Variants in MPPED1 observed in about 807,000 individuals in gnomAD.
MPPED1 encodes the protein metallophosphoesterase domain containing 1, also known as metallophosphoesterase domain-containing protein 1.
MPPED1 carries 16 observed loss-of-function variants against 36.2 expected under a neutral mutation model. The ratio of observed to expected loss-of-function variants is 0.44; its 90% CI spans 0.30 to 0.67. The LOEUF is 0.67. Ranked by LOEUF, MPPED1 falls within the 30% of genes least tolerant of loss-of-function variation. The pLI, the probability that MPPED1 is intolerant of heterozygous loss-of-function variation, is 0.10. For missense variants in MPPED1, 307 were observed against 453.4 expected (o/e 0.68, Z 2.93); for synonymous variants, 199 against 191.3 (o/e 1.04, Z -0.33).
At chr22:43,456,717 A>G (rs544462055) in intron 3 of MPPED1, among the ~76,000 whole-genome samples, 15 of 152,236 alleles carry the variant, frequency 9.9e-5, no homozygotes, top group African/African-American at 3.6e-4. Flanking sequence ...ACTGGTCTTG[A>G]ACTCCTGGCC....
chr22:43,466,917 C>T (rs988381757), intron 3 of MPPED1, among the ~76,000 whole-genome samples: 1 of 152,224 alleles, frequency 6.6e-6, no homozygotes. Context: ...CATGGTGGAG[C>T]GTGGCTTGCG....
At chr22:43,489,472 G>C (rs1932016663) in intron 4 of MPPED1, among the ~76,000 whole-genome samples, 1 of 151,886 alleles carries the variant, frequency 6.6e-6, no homozygotes, top group Non-Finnish European at 1.5e-5. Context: ...GTCCTGGGAA[G>C]TGTCTCTTCT....
chr22:43,424,885 A>T, intron 1 of MPPED1, 23 bp from the exon 2 acceptor site: 1 of 1,499,394 alleles, frequency 6.7e-7, no homozygotes, highest in Non-Finnish European at 8.9e-7. Flanking sequence ...TAACTGTCGC[A>T]CGGTTCTGCT....
intron 4 of MPPED1, among the ~76,000 whole-genome samples, chr22:43,481,830 G>C (rs1020630784): frequency 9.2e-5 from 14 of 152,184 alleles, no homozygotes; most frequent in Non-Finnish European, 4.4e-5. Flanking sequence ...GCCCTCCCCA[G>C]CAAGGGTTCC....
In MPPED1 at chr22:43,484,771, G is replaced by T. The variant is rs542703098; in HGVS notation, c.632+9810G>T. Among the ~76,000 whole-genome samples, 4 of 152,156 alleles carry T rather than the reference G, an allele frequency of 2.6e-5. No homozygotes were observed. The East Asian group carries it at 7.7e-4, about 29-fold the overall frequency. ...TCTAGGGCAGGTGTGAGCCCCGCCT[G>T]AGCCTCTCAGGGAAACGGCTGCTTG... On this transcript the variant is annotated intron_variant, in intron 4 of 6. Transcript: ENST00000443721.
At chr22:43,439,085 A>G (rs749259886) in intron 3 of MPPED1, among the ~76,000 whole-genome samples, 11 of 152,274 alleles carry the variant, frequency 7.2e-5, no homozygotes, top group Admixed American at 3.9e-4. Flanking sequence ...CAAGACATCT[A>G]ACGGGGCTCT....
At chr22:43,491,907 G>A (rs1413470466) in intron 4 of MPPED1, among the ~76,000 whole-genome samples, 2 of 150,906 alleles carry the variant, frequency 1.3e-5, no homozygotes, top group African/African-American at 2.4e-5. Flanking sequence ...GGTGTTGGAG[G>A]TGGTGGTAAT....
intron 5 of MPPED1, among the ~76,000 whole-genome samples, chr22:43,499,128 AGGT>A (rs1393822176): frequency 2.3e-5 from 3 of 129,842 alleles, no homozygotes; most frequent in Admixed American, 1.5e-4. Context: ...GAGGTGATGA[AGGT>A]GGTGGTGATG....
chr22:43,463,289 C>G (rs1055391254), intron 3 of MPPED1, among the ~76,000 whole-genome samples: 6 of 151,102 alleles, frequency 4.0e-5, no homozygotes, highest in Admixed American at 4.0e-4. Context: ...GATTTCTCTT[C>G]CTGCAACTTG....
chr22:43,462,593 GT>G (rs1274643073), intron 3 of MPPED1, among the ~76,000 whole-genome samples: 6 of 152,190 alleles, frequency 3.9e-5, no homozygotes, highest in African/African-American at 1.4e-4. Flanking sequence ...TTTAAAAGTA[GT>G]TAATTATTTT....
chr22:43,493,584 T>A (rs900030679), intron 4 of MPPED1, among the ~76,000 whole-genome samples: 1 of 152,210 alleles, frequency 6.6e-6, no homozygotes, highest in Non-Finnish European at 1.5e-5. Context: ...CTGTGCCATC[T>A]CACTGCTGGG....
At chr22:43,413,370 T>A (rs1433969540) in intron 1 of MPPED1, among the ~76,000 whole-genome samples, 1 of 127,414 alleles carries the variant, frequency 7.8e-6, no homozygotes, top group Non-Finnish European at 1.6e-5. Context: ...ATAATCTGAC[T>A]GGACTTTGCA....
intron 2 of MPPED1, among the ~76,000 whole-genome samples, chr22:43,427,957 C>T (rs994628103): frequency 2.6e-5 from 4 of 152,136 alleles, no homozygotes; most frequent in African/African-American, 9.7e-5. Flanking sequence ...ACGCTGCGCA[C>T]AGTAATGCTG....
chr22:43,489,127 G>A (rs1932006340), intron 4 of MPPED1, among the ~76,000 whole-genome samples: 1 of 152,192 alleles, frequency 6.6e-6, no homozygotes, highest in Admixed American at 6.5e-5. Flanking sequence ...GGTCACGGTG[G>A]TTGATCCCAC....
At chr22:43,418,143 C>T (rs763727967) in intron 1 of MPPED1, 26 of 456,148 alleles carry the variant, frequency 5.7e-5, no homozygotes, top group African/African-American at 3.8e-4. Flanking sequence ...GCTGCCTTAC[C>T]GGCCTGGCAC....
intron 4 of MPPED1, among the ~76,000 whole-genome samples, chr22:43,495,508 G>A (rs1489850908): frequency 3.0e-5 from 3 of 100,362 alleles, no homozygotes. Context: ...TGGTGGAGGT[G>A]GTGGTGGTGG....
At position 43,505,807 on chromosome 22, in the gene MPPED1, C is replaced by T. The variant is rs182476297; in HGVS notation, c.*191C>T. 1.7e-6 allele frequency: 1 copy of T among 574,884 alleles called. No individual in the cohort carries two copies. Among genetic ancestry groups the T allele is most frequent in the Middle Eastern group, 4.2e-4 (1 of 2,380 alleles). 35.6% of individuals were successfully genotyped at this position (574,884 alleles called of 1,614,324 possible). On this transcript the variant is annotated 3_prime_UTR_variant, in exon 7 of 7. Transcript: ENST00000443721. ...GAGTTGGGACCCTGCGCATCCCCAT[C>T]AGGGGTTCTGTGCTCATTTACTTTT...
At chr22:43,492,581 C>T (rs1376553735) in intron 4 of MPPED1, among the ~76,000 whole-genome samples, 3 of 152,150 alleles carry the variant, frequency 2.0e-5, no homozygotes, top group Non-Finnish European at 4.4e-5. Context: ...CTGTGCCCTG[C>T]CCCTCACACT....
At chr22:43,480,775 G>C (rs535285278) in intron 4 of MPPED1, among the ~76,000 whole-genome samples, 2 of 151,322 alleles carry the variant, frequency 1.3e-5, no homozygotes, top group East Asian at 3.9e-4. Context: ...TTATTGCAGA[G>C]ATCTTCTGTT....
Sources: gnomAD v4.1 joint callset for allele counts (sites outside exome capture counted in the v4.1 genomes callset) on GRCh38, gnomAD v4.1.1 for gene constraint, MANE v1.5 for transcripts, NCBI Gene and HGNC (gene_info 2026-07-23, HGNC 2026-07-21) for gene names.